Variants in CTNNA3 observed in about 807,000 individuals in gnomAD.
The protein encoded by CTNNA3 is catenin alpha-3.
In CTNNA3, 76 loss-of-function variants were observed where a neutral mutation model predicts 95.7. The ratio of observed to expected loss-of-function variants is 0.79; its 90% CI spans 0.66 to 0.96. The LOEUF (loss-of-function observed/expected upper bound fraction) is 0.96. Ranked by LOEUF, CTNNA3 falls within the 40% of genes least tolerant of loss-of-function variation. The probability of loss-of-function intolerance (pLI) is 0.00; values close to 1 mark genes in which losing one functional copy is unlikely to be tolerated. For missense variants in CTNNA3, 1,191 were observed against 1,089.8 expected, an observed-to-expected ratio of 1.09 and a Z score of -1.31; for synonymous variants, 431 against 374.4, an observed-to-expected ratio of 1.15 and a Z score of -1.74.
chr10:66,612,028 T>C (rs1232282142), intron 10 of CTNNA3, among the ~76,000 whole-genome samples: 1 of 152,090 alleles, frequency 6.6e-6, no homozygotes, highest in Non-Finnish European at 1.5e-5. Flanking sequence ...TTCATTTCTG[T>C]CCTAAAGTGT....
chr10:66,234,288 G>A (rs1262274392), intron 13 of CTNNA3, among the ~76,000 whole-genome samples: 3 of 151,840 alleles, frequency 2.0e-5, no homozygotes, highest in Non-Finnish European at 1.5e-5. Context: ...TATATATTTG[G>A]TCATAAATCA....
At chr10:66,043,991 T>C (rs1379935179) in intron 15 of CTNNA3, among the ~76,000 whole-genome samples, 1 of 115,626 alleles carries the variant, frequency 8.6e-6, no homozygotes, top group Non-Finnish European at 2.2e-5. Flanking sequence ...TGTGTGTGTG[T>C]GTGTTTGTGT....
rs374549238 is a variant in CTNNA3, at chr10:65,951,050, A to G, written c.2400+15562T>C. 2.0e-5 allele frequency among the ~76,000 whole-genome samples: 3 copies of G among 152,348 alleles called. No individual in the cohort carries two copies. In the East Asian group the frequency reaches 5.8e-4, roughly 29 times the overall value. On this transcript the variant is annotated intron_variant, in intron 17 of 17. Transcript: ENST00000433211. ...TCTCAAATCATAAACAATATATTGT[A>G]CCATTTTGGTACACATGTACTTTTT...
intron 13 of CTNNA3, among the ~76,000 whole-genome samples, chr10:66,250,770 A>C (rs1380578383): frequency 1.3e-5 from 2 of 152,112 alleles, no homozygotes; most frequent in African/African-American, 2.4e-5. Flanking sequence ...TTCTGGAATT[A>C]ATTTATGCTT....
chr10:67,637,354 T>A (rs538659135), intron 2 of CTNNA3, among the ~76,000 whole-genome samples: 1 of 152,232 alleles, frequency 6.6e-6, no homozygotes, highest in African/African-American at 2.4e-5. Flanking sequence ...CCAAGAAATA[T>A]CAGACTATGT....
At chr10:67,647,568 A>G (rs769360972) in intron 1 of CTNNA3, 50 bp from the exon 2 acceptor site, 8 of 1,429,854 alleles carry the variant, frequency 5.6e-6, no homozygotes, top group Non-Finnish European at 7.8e-6. Flanking sequence ...ACTGTTTTCT[A>G]AAGAAGAACA....
chr10:66,803,578 C>T (rs1841518151), intron 7 of CTNNA3, among the ~76,000 whole-genome samples: 1 of 138,782 alleles, frequency 7.2e-6, no homozygotes, highest in Admixed American at 7.2e-5. Context: ...TCCTATAAAG[C>T]AACAATAACA....
At chr10:66,337,730 T>C (rs1476102364) in intron 12 of CTNNA3, among the ~76,000 whole-genome samples, 1 of 152,048 alleles carries the variant, frequency 6.6e-6, no homozygotes, top group East Asian at 1.9e-4. Context: ...GTGGTCATAA[T>C]AAATAATCTA....
chr10:66,000,406 A>G (rs534726888), intron 15 of CTNNA3, among the ~76,000 whole-genome samples: 13 of 152,200 alleles, frequency 8.5e-5, no homozygotes, highest in Non-Finnish European at 1.5e-4. Flanking sequence ...AAAACAAAAA[A>G]TACCAAATGT....
rs1328650302 is a variant in CTNNA3 at position 65,944,877 on chromosome 10, TATCTATCTATCTATCTATCTATC to T, written c.2400+21712_2400+21734del. The stretch of plus-strand genomic sequence containing the variant: ...CTGTCTATCTATCTATCTATCTATC[TATCTATCTATCTATCTATCTATC>T]ATCTATCTATCATCTATTTATCATC... On this transcript the variant is annotated intron_variant, in intron 17 of 17. Coordinates refer to ENST00000433211, the MANE Select transcript of CTNNA3 (RefSeq NM_013266.4). Among the ~76,000 whole-genome samples, 74 of 148,824 alleles carry T rather than the reference TATCTATCTATCTATCTATCTATC, an allele frequency of 5.0e-4. 3 individuals carry two copies. The highest frequency in any genetic ancestry group is 8.7e-4 in the South Asian group (4 of 4,592).
At chr10:66,617,130 G>T (rs1327966372) in intron 10 of CTNNA3, among the ~76,000 whole-genome samples, 1 of 151,880 alleles carries the variant, frequency 6.6e-6, no homozygotes, top group Non-Finnish European at 1.5e-5. Flanking sequence ...TTCTGTGTGA[G>T]TGTGTTATAT....
At chr10:66,617,871 T>C (rs1357055026) in intron 10 of CTNNA3, among the ~76,000 whole-genome samples, 2 of 151,414 alleles carry the variant, frequency 1.3e-5, no homozygotes, top group African/African-American at 4.9e-5. Context: ...AGTCTCAGGA[T>C]ATAAAACCAA....
At chr10:67,635,897 G>C (rs889221236) in intron 2 of CTNNA3, among the ~76,000 whole-genome samples, 6 of 152,114 alleles carry the variant, frequency 3.9e-5, no homozygotes, top group Admixed American at 1.3e-4. Flanking sequence ...CAGATGACAT[G>C]ATCCTATATC....
At chr10:67,245,131 T>C (rs943276442) in intron 5 of CTNNA3, among the ~76,000 whole-genome samples, 2 of 152,152 alleles carry the variant, frequency 1.3e-5, no homozygotes, top group African/African-American at 4.8e-5. Context: ...ACCAGCTCCA[T>C]GGACCTCCTT....
chr10:66,203,517 A>G (rs12259429), intron 13 of CTNNA3, among the ~76,000 whole-genome samples: 29 of 152,060 alleles, frequency 1.9e-4, no homozygotes, highest in Middle Eastern at 3.4e-3. Flanking sequence ...AATATTATAG[A>G]GTAATCTTAG....
At chr10:67,117,172 G>A (rs1859228621) in intron 7 of CTNNA3, among the ~76,000 whole-genome samples, 1 of 151,822 alleles carries the variant, frequency 6.6e-6, no homozygotes, top group Admixed American at 6.6e-5. Context: ...AGCAATGTCA[G>A]CTCACTTCTT....
intron 7 of CTNNA3, among the ~76,000 whole-genome samples, chr10:66,922,654 C>T (rs1243490841): frequency 6.6e-6 from 1 of 152,124 alleles, no homozygotes; most frequent in Admixed American, 6.6e-5. Context: ...CCAAGAGTGG[C>T]TACTGATTAC....
At chr10:66,184,277 T>C (rs10822741) in intron 13 of CTNNA3, among the ~76,000 whole-genome samples, 61,304 of 151,956 alleles carry the variant, frequency 0.4, 13,473 homozygotes, top group African/African-American at 0.59. Context: ...CCAGCTTGGG[T>C]GGCAGAGCAA....
chr10:66,234,966 G>A (rs1387272604), intron 13 of CTNNA3, among the ~76,000 whole-genome samples: 2 of 152,206 alleles, frequency 1.3e-5, no homozygotes, highest in Admixed American at 1.3e-4. Flanking sequence ...CATATGACAA[G>A]GAAGTGAAAG....
Sources: allele counts gnomAD v4.1 joint callset (sites outside exome capture counted in the v4.1 genomes callset), GRCh38; gene constraint gnomAD v4.1.1; transcripts MANE v1.5; gene names NCBI Gene and HGNC (gene_info 2026-07-23, HGNC 2026-07-21).